The following UNC13C variants were observed in gnomAD, a reference collection of about 807,000 sequenced individuals.
UNC13C encodes protein unc-13 homolog C.
In UNC13C, 174 loss-of-function variants were observed where a neutral mutation model predicts 245.4. That is an observed-to-expected ratio of 0.71 (90% confidence interval 0.63 to 0.80). The LOEUF (loss-of-function observed/expected upper bound fraction) is 0.80, where lower values mean the gene tolerates loss of function less well. Among genes scored for constraint, UNC13C ranks in the 30% least tolerant of loss-of-function variants. The pLI is 0.00. For missense variants in UNC13C, 2,829 were observed against 2,602.9 expected (o/e 1.09, Z -1.89); for synonymous variants, 992 against 895.1 (o/e 1.11, Z -1.93).
At chr15:54,549,471 G>A (rs1009641869) in intron 27 of UNC13C, among the ~76,000 whole-genome samples, 164 bp from the exon 28 acceptor site, 1 of 152,086 alleles carries the variant, frequency 6.6e-6, no homozygotes. Flanking sequence ...AGCGGTACTA[G>A]ATATATTTGA....
At chr15:54,140,705 C>G (rs1595902122) in intron 2 of UNC13C, among the ~76,000 whole-genome samples, 2 of 152,280 alleles carry the variant, frequency 1.3e-5, no homozygotes, top group East Asian at 3.9e-4. Flanking sequence ...AGAAATGGAA[C>G]TTCAAGAATG....
chr15:54,033,046 G>A (rs1467232726), intron 2 of UNC13C, among the ~76,000 whole-genome samples: 2 of 152,022 alleles, frequency 1.3e-5, no homozygotes, highest in Non-Finnish European at 2.9e-5. Flanking sequence ...TATGCTGCTT[G>A]GGTGATGGGG....
intron 2 of UNC13C, among the ~76,000 whole-genome samples, chr15:54,080,128 A>G (rs1221182104): frequency 6.6e-6 from 1 of 150,592 alleles, no homozygotes; most frequent in Admixed American, 6.7e-5. Flanking sequence ...ACACTTATTG[A>G]TTTACATATG....
chr15:54,187,330 A>G (rs13329461), intron 4 of UNC13C, among the ~76,000 whole-genome samples: 16,174 of 152,124 alleles, frequency 0.11, 1,453 homozygotes, highest in African/African-American at 0.24. Context: ...TACCATAGCC[A>G]GAGTGGGCTA....
At chr15:54,454,568 GGGA>G (rs59676387) in intron 19 of UNC13C, among the ~76,000 whole-genome samples, 13 of 7,206 alleles carry the variant, frequency 1.8e-3, no homozygotes, top group Non-Finnish European at 2.8e-3. Flanking sequence ...ACAATAGTGG[GGGA>G]AAAAAAAAAA....
chr15:53,951,228 C>T, the UNC13C span, among the ~76,000 whole-genome samples: 1 of 152,196 alleles, frequency 6.6e-6, no homozygotes, highest in Non-Finnish European at 1.5e-5. Flanking sequence ...GACTTGGCAT[C>T]AGAAATGCCC....
intron 13 of UNC13C, among the ~76,000 whole-genome samples, chr15:54,313,955 A>G (rs1030273739): frequency 6.6e-6 from 1 of 151,712 alleles, no homozygotes; most frequent in African/African-American, 2.4e-5. Flanking sequence ...CCTTAAAAAA[A>G]AGAATGAAAT....
chr15:54,562,357 G>A (rs1353296875), intron 29 of UNC13C, among the ~76,000 whole-genome samples: 1 of 151,910 alleles, frequency 6.6e-6, no homozygotes, highest in East Asian at 1.9e-4. Context: ...CTGTATAGGG[G>A]ACAGATGAAG....
intron 10 of UNC13C, among the ~76,000 whole-genome samples, chr15:54,282,269 A>G (rs914625500): frequency 6.6e-6 from 1 of 152,212 alleles, no homozygotes; most frequent in African/African-American, 2.4e-5. Context: ...GTATACATAC[A>G]TATACACATA....
chr15:54,321,261 G>A, intron 13 of UNC13C: 1 of 479,208 alleles, frequency 2.1e-6, no homozygotes, highest in Non-Finnish European at 4.1e-6. Flanking sequence ...TCTTGCCACT[G>A]CCTCAGCTAT....
chr15:54,477,246 A>G (rs1295739910), intron 19 of UNC13C, among the ~76,000 whole-genome samples: 12 of 114,086 alleles, frequency 1.1e-4, no homozygotes, highest in South Asian at 3.2e-4. Flanking sequence ...CAATCATGTC[A>G]TCTGCAAACA....
At chr15:54,105,125 C>A (rs1408887466) in intron 2 of UNC13C, among the ~76,000 whole-genome samples, 3 of 152,190 alleles carry the variant, frequency 2.0e-5, no homozygotes, top group Non-Finnish European at 4.4e-5. Context: ...AGTTCTTATA[C>A]AGGATTTTAT....
chr15:54,001,741 G>T (rs1318478220), intron 1 of UNC13C, among the ~76,000 whole-genome samples: 1 of 152,208 alleles, frequency 6.6e-6, no homozygotes, highest in Non-Finnish European at 1.5e-5. Flanking sequence ...TGAGGAAACT[G>T]AGAAACAGAG....
chr15:54,264,217 C>A lies in UNC13C; in HGVS notation c.3498C>A (p.Thr1166=). 6.3e-7 allele frequency: 1 copy of A among 1,593,606 alleles called. No homozygotes were observed. The highest frequency in any genetic ancestry group is 8.6e-7 in the Non-Finnish European group (1 of 1,169,426). ...ATGGTGCCGAAGACAAGACTCAGAC[C>A]ATTATTACAGCAATGAAAGAAAGAA... is the stretch of plus-strand genomic sequence containing the variant. ...SKHGAEDKTQ[T]IITAMKERMK... The change falls in exon 9 of 33, where the codon ACC becomes ACA. Residue 1166 remains threonine (T), a synonymous_variant. Coordinates refer to ENST00000260323, the MANE Select transcript of UNC13C (RefSeq NM_001080534.3).
chr15:54,030,227 A>T (rs1013069662), intron 2 of UNC13C, among the ~76,000 whole-genome samples: 1 of 152,108 alleles, frequency 6.6e-6, no homozygotes, highest in East Asian at 1.9e-4. Context: ...GCAAGACCCA[A>T]ATTCAGACCC....
chr15:54,345,975 G>A (rs59202471), intron 17 of UNC13C, among the ~76,000 whole-genome samples: 2,587 of 152,250 alleles, frequency 0.017, 91 homozygotes, highest in African/African-American at 0.06. Flanking sequence ...GCTAACCGCA[G>A]CTCAGCTAAC....
intron 17 of UNC13C, among the ~76,000 whole-genome samples, chr15:54,376,381 T>A (rs2039607173): frequency 6.6e-6 from 1 of 152,166 alleles, no homozygotes; most frequent in Non-Finnish European, 1.5e-5. Context: ...TAAGGAAAAT[T>A]TGGATGACAC....
intron 13 of UNC13C, among the ~76,000 whole-genome samples, chr15:54,313,560 TA>T (rs1245176177): frequency 1.3e-5 from 2 of 151,810 alleles, no homozygotes; most frequent in Non-Finnish European, 2.9e-5. Flanking sequence ...TTTGATAAAC[TA>T]AAAACTTATG....
chr15:54,375,679 C>A (rs949347514), intron 17 of UNC13C, among the ~76,000 whole-genome samples: 1 of 152,106 alleles, frequency 6.6e-6, no homozygotes, highest in Non-Finnish European at 1.5e-5. Context: ...TTTTTCTGGT[C>A]TTAAAGAATC....
Sources: gnomAD v4.1 joint callset for allele counts (sites outside exome capture counted in the v4.1 genomes callset) on GRCh38, gnomAD v4.1.1 for gene constraint, MANE v1.5 for transcripts, NCBI Gene and HGNC (gene_info 2026-07-23, HGNC 2026-07-21) for gene names.